The following RAB27B variants were observed in gnomAD, a reference collection of about 807,000 sequenced individuals.
The protein encoded by RAB27B is ras-related protein Rab-27B.
In RAB27B, 15 loss-of-function variants were observed where a neutral mutation model predicts 24.6. The ratio of observed to expected loss-of-function variants is 0.61; its 90% CI spans 0.41 to 0.94. RAB27B has a LOEUF of 0.94. RAB27B is among the 40% of genes least tolerant of loss of function. The pLI is 0.00. For synonymous variants in RAB27B, 105 were observed against 92.5 expected (o/e 1.14, Z -0.78); for missense variants, 261 against 266.8 (o/e 0.98, Z 0.15).
intron 5 of RAB27B, among the ~76,000 whole-genome samples, chr18:54,888,444 G>A (rs747764491): frequency 7.2e-5 from 11 of 152,066 alleles, no homozygotes; most frequent in Non-Finnish European, 1.2e-4. Context: ...ACCCCACACA[G>A]TTAGTGACAG....
intron 2 of RAB27B, among the ~76,000 whole-genome samples, chr18:54,809,643 T>G (rs1189653853): frequency 6.6e-6 from 1 of 152,224 alleles, no homozygotes; most frequent in African/African-American, 2.4e-5. Flanking sequence ...ACCAAGTGTT[T>G]GGAGGCAAAC....
intron 2 of RAB27B, among the ~76,000 whole-genome samples, chr18:54,772,802 C>T (rs953551956): frequency 3.3e-5 from 5 of 152,180 alleles, no homozygotes; most frequent in Non-Finnish European, 7.4e-5. Flanking sequence ...AATCATCAGG[C>T]TAGGTATGGT....
In RAB27B at chr18:54,884,363, A is replaced by G. The variant is rs778545803; in HGVS notation, c.270A>G (p.Arg90=). 2.5e-5 allele frequency: 41 copies of G among 1,612,744 alleles called. No homozygotes were observed. The highest frequency in any genetic ancestry group is 3.4e-5 in the Non-Finnish European group (40 of 1,179,086). The change falls in exon 4 of 6, where the codon AGA becomes AGG. Residue 90 remains arginine (R), a synonymous_variant. Coordinates refer to ENST00000262094, the MANE Select transcript of RAB27B (RefSeq NM_004163.4). ...RFRSLTTAFF[R]DAMGFLLMFD... is the part of the protein sequence containing the mutation. ...GGAGTCTCACCACTGCATTTTTCAG[A>G]GACGCCATGGGCTTCTTATTAATGT...
At chr18:54,792,373 G>T (rs1197464279) in intron 2 of RAB27B, among the ~76,000 whole-genome samples, 1 of 152,070 alleles carries the variant, frequency 6.6e-6, no homozygotes, top group South Asian at 2.1e-4. Flanking sequence ...TCCAGCCTAA[G>T]CAACAGAGCA....
chr18:54,809,505 C>T (rs146912769), intron 2 of RAB27B, among the ~76,000 whole-genome samples: 3 of 152,266 alleles, frequency 2.0e-5, no homozygotes, highest in Non-Finnish European at 4.4e-5. Context: ...CAGACTAGGT[C>T]ACCTAAGTTG....
At chr18:54,786,275 A>T (rs1247500905) in intron 2 of RAB27B, among the ~76,000 whole-genome samples, 34 of 152,240 alleles carry the variant, frequency 2.2e-4, no homozygotes, top group Admixed American at 2.2e-3. Context: ...GAAAAGTAAC[A>T]TTAACAGTCA....
chr18:54,866,966 C>G (rs1274262520), intron 1 of RAB27B, among the ~76,000 whole-genome samples: 7 of 152,044 alleles, frequency 4.6e-5, no homozygotes, highest in African/African-American at 1.7e-4. Context: ...CCAAGTCACA[C>G]AAGGCAGGAA....
intron 2 of RAB27B, among the ~76,000 whole-genome samples, chr18:54,748,059 A>T (rs1910310561): frequency 6.6e-6 from 1 of 152,122 alleles, no homozygotes; most frequent in Admixed American, 6.6e-5. Flanking sequence ...ATGAGATGAG[A>T]TGGTGCCACT....
intron 2 of RAB27B, among the ~76,000 whole-genome samples, chr18:54,809,600 T>A (rs1338668498): frequency 6.6e-6 from 1 of 152,248 alleles, no homozygotes. Context: ...AGCTCATTAA[T>A]GAAGGAAAGT....
chr18:54,874,562 TAA>T lies in RAB27B; in HGVS notation c.-19-2989_-19-2988del, dbSNP rs11331217. ...CACGCATTCATACACACACATTTGCTAAAAAAAAAAAAAAAAAGTTAGCTTTA... is the reference window on the plus strand; with the variant it reads ...CACGCATTCATACACACACATTTGCTAAAAAAAAAAAAAAAGTTAGCTTTA... On this transcript the variant is annotated intron_variant, in intron 1 of 5. Coordinates refer to ENST00000262094, the MANE Select transcript of RAB27B (RefSeq NM_004163.4). 6.7e-3 allele frequency among the ~76,000 whole-genome samples: 960 copies of T among 143,234 alleles called. 7 individuals carry two copies. The highest frequency in any genetic ancestry group is 0.013 in the South Asian group (59 of 4,440). 94.0% of individuals were successfully genotyped at this position (143,234 alleles called of 152,430 possible).
intron 2 of RAB27B, among the ~76,000 whole-genome samples, chr18:54,766,299 A>C (rs73960611): frequency 0.044 from 6,649 of 152,266 alleles, 208 homozygotes; most frequent in Admixed American, 0.082. Flanking sequence ...AAGGACAGTC[A>C]TGGCCCTGTA....
chr18:54,826,785 C>T (rs945958300), upstream of RAB27B, among the ~76,000 whole-genome samples: 5 of 152,264 alleles, frequency 3.3e-5, no homozygotes, highest in South Asian at 2.1e-4. Flanking sequence ...AGATTTACTG[C>T]GACTTTCTCA....
At chr18:54,752,323 TA>T (rs1647886460) in intron 2 of RAB27B, among the ~76,000 whole-genome samples, 2 of 152,140 alleles carry the variant, frequency 1.3e-5, no homozygotes, top group Non-Finnish European at 1.5e-5. Flanking sequence ...GAGCTTTTAT[TA>T]AAGACCGATG....
chr18:54,755,776 T>C (rs1297140520), intron 2 of RAB27B, among the ~76,000 whole-genome samples: 2 of 152,236 alleles, frequency 1.3e-5, no homozygotes, highest in Non-Finnish European at 2.9e-5. Context: ...GCCCCTGTTT[T>C]AGCACAGCCA....
rs765938868 is a variant in RAB27B at position 54,894,693 on chromosome 18, A to C, written c.*5280A>C. On this transcript the variant is annotated 3_prime_UTR_variant, in exon 6 of 6. Coordinates refer to ENST00000262094, the MANE Select transcript of RAB27B (RefSeq NM_004163.4). ...GTATGTGTTTATATGTGCTTCACAG[A>C]GTTCGTGTCAGGCTCAAAGGAGATA... 1.1e-4 allele frequency: 16 copies of C among 152,038 alleles called. No homozygotes were observed. The highest frequency in any genetic ancestry group is 1.8e-4 in the Non-Finnish European group (12 of 67,972). 9.4% of individuals were successfully genotyped at this position (152,038 alleles called of 1,614,324 possible). A position where few individuals can be genotyped will look rare whatever the true frequency, so the allele number is the denominator to read the frequency against.
At chr18:54,776,465 G>A (rs1908717994) in intron 2 of RAB27B, among the ~76,000 whole-genome samples, 1 of 152,190 alleles carries the variant, frequency 6.6e-6, no homozygotes, top group African/African-American at 2.4e-5. Context: ...GTGGTTGAAT[G>A]AATCATAATA....
chr18:54,850,338 A>ATATATATATATATATATATATATATATG (rs1911517279), intron 1 of RAB27B, among the ~76,000 whole-genome samples: 13 of 107,746 alleles, frequency 1.2e-4, no homozygotes, highest in Middle Eastern at 4.2e-3. Context: ...AACAGGATAT[A>ATATATATATATATATATATATATATATG]TATATATATA....
rs58878407 is a variant in RAB27B at position 54,728,903 on chromosome 18, C to CAAAAAAAAA, written c.-20+10774_-20+10782dup. 6.9e-4 allele frequency among the ~76,000 whole-genome samples: 47 copies of CAAAAAAAAA among 68,270 alleles called. 1 individual carries two copies. Among genetic ancestry groups the CAAAAAAAAA allele is most frequent in the Non-Finnish European group, 1.1e-3 (43 of 40,232 alleles). 44.8% of individuals were successfully genotyped at this position (68,270 alleles called of 152,430 possible). A position where few individuals can be genotyped will look rare whatever the true frequency, so the allele number is the denominator to read the frequency against. On this transcript the variant is annotated intron_variant, in intron 2 of 4. Coordinates refer to the RAB27B transcript ENST00000586570. ...AAAAAAAAAAAAAAAAAAAAAAACC[C>CAAAAAAAAA]AAAAAAAAAAAAAAAAAAAACCACC...
chr18:54,769,875 T>C (rs1423313539), intron 2 of RAB27B, among the ~76,000 whole-genome samples: 4 of 152,182 alleles, frequency 2.6e-5, no homozygotes, highest in African/African-American at 9.6e-5. Flanking sequence ...CTTCTTCTTT[T>C]ATTTTTTATT....
Sources: allele counts gnomAD v4.1 joint callset (sites outside exome capture counted in the v4.1 genomes callset), GRCh38; gene constraint gnomAD v4.1.1; transcripts MANE v1.5; gene names NCBI Gene and HGNC (gene_info 2026-07-23, HGNC 2026-07-21).